ANKFY1: variants seen among roughly 807,000 people sequenced by gnomAD.
ANKFY1 encodes the protein ankyrin repeat and FYVE domain containing 1, also known as ankyrin repeat and FYVE domain-containing protein 1.
ANKFY1 carries 47 observed loss-of-function variants against 128.3 expected under a neutral mutation model. The ratio of observed to expected loss-of-function variants is 0.37; its 90% CI spans 0.29 to 0.47. The LOEUF is 0.47. Ranked by LOEUF, ANKFY1 falls within the 20% of genes least tolerant of loss-of-function variation. The pLI is 1.00. For synonymous variants in ANKFY1, 553 were observed against 601.6 expected, an observed-to-expected ratio of 0.92 and a Z score of 1.18; for missense variants, 1,222 against 1,510.6, an observed-to-expected ratio of 0.81 and a Z score of 3.17.
Position 4,184,859 on chromosome 17 carries a change from T to C in ANKFY1, c.1658A>G (p.Tyr553Cys), listed in dbSNP as rs370962910. The C allele has an allele frequency of 6.8e-6, 11 of 1,613,818 alleles. No individual in the cohort carries two copies. The highest frequency in any genetic ancestry group is 4.0e-5 in the African/African-American group (3 of 74,952). The change falls in exon 12 of 25, where the codon TAT becomes TGT. Residue 553 changes from tyrosine (Y) to cysteine (C), a missense_variant. Tyr to Cys is a radical substitution (Grantham distance 194). Transcript: ENST00000341657. ...GACAGACACCACATCCGGATGGTTA[T>C]AGGCGATCGCCATGTGCAGTGGCGT... ...LQTPLHMAIA[Y>C]NHPDVVSVIL... is the part of the protein sequence containing the mutation.
In ANKFY1 at chr17:4,209,922, C is replaced by T. The variant is rs1357950760; in HGVS notation, c.484G>A (p.Val162Met). 10 of 1,613,670 alleles carry T rather than the reference C, an allele frequency of 6.2e-6. No homozygotes were observed. Among genetic ancestry groups the T allele is most frequent in the Middle Eastern group, 1.6e-4 (1 of 6,082 alleles). The change falls in exon 5 of 25, where the codon GTG becomes ATG. Residue 162 changes from valine (V) to methionine (M), a missense_variant. Transcript: ENST00000341657. ...ERCEKGVMSLVNVRNCIRFYQ... is the reference protein window; with the variant it reads ...ERCEKGVMSLMNVRNCIRFYQ... ...AAGCGAATACAGTTCCTGACATTCACTAGAGACATAACACCCTTCTCACAT... is the reference window on the plus strand; with the variant it reads ...AAGCGAATACAGTTCCTGACATTCATTAGAGACATAACACCCTTCTCACAT...
intron 4 of ANKFY1, among the ~76,000 whole-genome samples, chr17:4,210,898 G>A (rs554394409): frequency 1.8e-4 from 27 of 151,468 alleles, no homozygotes; most frequent in African/African-American, 6.5e-4. Flanking sequence ...CGGGCATGGT[G>A]GCAGGCGCCT....
At chr17:4,173,111 C>T (rs7209439) in intron 21 of ANKFY1, among the ~76,000 whole-genome samples, 7,149 of 152,328 alleles carry the variant, frequency 0.047, 357 homozygotes, top group African/African-American at 0.12. Flanking sequence ...CCGCCTCGGA[C>T]TCCCGAAGTG....
intron 3 of ANKFY1, among the ~76,000 whole-genome samples, chr17:4,230,427 C>T (rs2060495196): frequency 6.6e-6 from 1 of 152,182 alleles, no homozygotes; most frequent in South Asian, 2.1e-4. Flanking sequence ...CCATTGGAAC[C>T]TCTCATCGTG....
At chr17:4,171,406 C>T (rs890644399) in intron 22 of ANKFY1, among the ~76,000 whole-genome samples, 9 of 152,352 alleles carry the variant, frequency 5.9e-5, no homozygotes, top group African/African-American at 2.2e-4. Context: ...TCCCTACGAA[C>T]AATTACAGCT....
intron 1 of ANKFY1, among the ~76,000 whole-genome samples, chr17:4,257,121 T>C (rs1968171343): frequency 6.6e-6 from 1 of 152,176 alleles, no homozygotes; most frequent in Admixed American, 6.5e-5. Context: ...GTCTGAGTCA[T>C]CCAGACCTAG....
chr17:4,198,001 C>T (rs1346944628), intron 7 of ANKFY1, among the ~76,000 whole-genome samples: 2 of 152,058 alleles, frequency 1.3e-5, no homozygotes, highest in Admixed American at 6.6e-5. Flanking sequence ...TGGTGGTGCA[C>T]GCCTGTAATC....
At chr17:4,177,027 T>G in intron 19 of ANKFY1, 99 bp downstream of exon 19, 1 of 1,294,996 alleles carries the variant, frequency 7.7e-7, no homozygotes, top group Non-Finnish European at 1.0e-6. Context: ...CCAGGTGCTT[T>G]CACAACACCG....
At chr17:4,263,418 G>A (rs1352358349) in intron 1 of ANKFY1, among the ~76,000 whole-genome samples, 10 of 152,164 alleles carry the variant, frequency 6.6e-5, no homozygotes, top group East Asian at 3.9e-4. Flanking sequence ...AGCCGGAGCC[G>A]CCAGTGCGCC....
chr17:4,237,361 G>C (rs773961786), intron 2 of ANKFY1, among the ~76,000 whole-genome samples: 2 of 152,100 alleles, frequency 1.3e-5, no homozygotes, highest in Non-Finnish European at 2.9e-5. Flanking sequence ...TAACACAGTA[G>C]AACATTATTA....
chr17:4,172,473 T>C, intron 22 of ANKFY1, 83 bp downstream of exon 22: 1 of 1,548,116 alleles, frequency 6.5e-7, no homozygotes, highest in Admixed American at 1.9e-5. Context: ...CGCCCTCAGA[T>C]AACGACGTGT....
intron 1 of ANKFY1, 40 bp downstream of exon 1, chr17:4,263,892 G>C (rs1968563835): frequency 1.9e-6 from 3 of 1,613,626 alleles, no homozygotes; most frequent in Non-Finnish European, 2.5e-6. Context: ...CGCCCCCACA[G>C]CTCCGTGTCT....
intron 17 of ANKFY1, 119 bp downstream of exon 17, chr17:4,179,602 G>C: frequency 7.7e-7 from 1 of 1,305,570 alleles, no homozygotes; most frequent in Non-Finnish European, 1.0e-6. Context: ...TAGGGAGGTC[G>C]TGTGTTCATG....
chr17:4,181,055 C>T lies in ANKFY1; in HGVS notation c.2240+199G>A. 1.8e-6 allele frequency: 1 copy of T among 553,752 alleles called. No homozygotes were observed. The highest frequency in any genetic ancestry group is 3.3e-6 in the Non-Finnish European group (1 of 306,498). 34.3% of individuals were successfully genotyped at this position (553,752 alleles called of 1,614,324 possible). A position where few individuals can be genotyped will look rare whatever the true frequency, so the allele number is the denominator to read the frequency against. On this transcript the variant is annotated intron_variant, in intron 16 of 24. Coordinates refer to ENST00000341657, the MANE Select transcript of ANKFY1 (RefSeq NM_001330063.2). The surrounding 1 kb of genome is among the most constrained non-coding windows in gnomAD (Gnocchi z 4.9). ...AGCTTTCAGATTCTTTGATTCAGGG[C>T]TGTGAGCTCCTCCCGTCACAAGTGA...
At chr17:4,175,187 G>C (rs548223020) in intron 19 of ANKFY1, among the ~76,000 whole-genome samples, 1 of 151,584 alleles carries the variant, frequency 6.6e-6, no homozygotes, top group Admixed American at 6.6e-5. Context: ...TTAAAAATTA[G>C]CTGGGTGTAA....
chr17:4,244,479 T>C (rs189016627), intron 1 of ANKFY1, among the ~76,000 whole-genome samples: 13 of 152,186 alleles, frequency 8.5e-5, no homozygotes, highest in African/African-American at 2.7e-4. Context: ...CTGGCAGCTT[T>C]ATCAATCAAG....
chr17:4,228,888 G>A (rs2060469388), intron 3 of ANKFY1, among the ~76,000 whole-genome samples: 1 of 152,152 alleles, frequency 6.6e-6, no homozygotes, highest in Admixed American at 6.5e-5. Context: ...GTGGTTAATG[G>A]CACGAATTCT....
chr17:4,213,352 G>A (rs1296383669), intron 4 of ANKFY1, among the ~76,000 whole-genome samples: 2 of 151,664 alleles, frequency 1.3e-5, no homozygotes, highest in Non-Finnish European at 2.9e-5. Context: ...ACCACGACCG[G>A]CTAATTTTTG....
chr17:4,179,701 G>C lies in ANKFY1; in HGVS notation c.2397+20C>G, dbSNP rs779035366. ...ATGCTGGGGCTACACCTCTCTCCCC[G>C]GAAAAGAGAAACGACACACCTGTGC... On this transcript the variant is annotated intron_variant, in intron 17 of 24. Coordinates refer to ENST00000341657, the MANE Select transcript of ANKFY1 (RefSeq NM_001330063.2). The C allele has an allele frequency of 6.2e-7, 1 of 1,611,884 alleles. No homozygotes were observed. The highest frequency in any genetic ancestry group is 1.7e-5 in the Admixed American group (1 of 59,972).
Sources: gnomAD v4.1 joint callset for allele counts (sites outside exome capture counted in the v4.1 genomes callset) on GRCh38, gnomAD v4.1.1 for gene constraint, Gnocchi (gnomAD v3.1) non-coding constraint, MANE v1.5 for transcripts, NCBI Gene and HGNC (gene_info 2026-07-23, HGNC 2026-07-21) for gene names.